DSCAM: variants seen among roughly 807,000 people sequenced by gnomAD.
The protein encoded by DSCAM is DS cell adhesion molecule.
Under a neutral mutation model 217.7 loss-of-function variants are expected in DSCAM, and 47 were observed. The observed-to-expected ratio is 0.22, with a 90% CI of 0.17 to 0.28. DSCAM has a LOEUF of 0.28. Among genes scored for constraint, DSCAM ranks in the 10% least tolerant of loss-of-function variants. The pLI is 1.00. For synonymous variants in DSCAM, 1,056 were observed against 1,015.3 expected (o/e 1.04, Z -0.76); for missense variants, 2,080 against 2,618.3 (o/e 0.79, Z 4.49).
At chr21:40,157,121 T>C (rs546530766) in intron 16 of DSCAM, among the ~76,000 whole-genome samples, 2 of 152,260 alleles carry the variant, frequency 1.3e-5, no homozygotes, top group Admixed American at 1.3e-4. Context: ...GGAAGAATAT[T>C]TTGTCATGTG....
At chr21:40,122,171 G>A (rs2090042632) in intron 20 of DSCAM, among the ~76,000 whole-genome samples, 2 of 152,122 alleles carry the variant, frequency 1.3e-5, no homozygotes, top group Admixed American at 6.6e-5. Context: ...TCTATTGTAT[G>A]TAATTCTTAG....
At chr21:40,291,594 C>T (rs545241007) in intron 10 of DSCAM, among the ~76,000 whole-genome samples, 1 of 152,320 alleles carries the variant, frequency 6.6e-6, no homozygotes, top group African/African-American at 2.4e-5. Context: ...CCGGCCTCGC[C>T]CCCTACCCCC....
At chr21:40,672,287 A>G (rs1018420550) in intron 3 of DSCAM, among the ~76,000 whole-genome samples, 2 of 152,168 alleles carry the variant, frequency 1.3e-5, no homozygotes, top group African/African-American at 4.8e-5. Flanking sequence ...GTTTAGCTTA[A>G]GTAAATTTAG....
At chr21:40,134,078 C>T in intron 18 of DSCAM, 69 bp from the exon 19 acceptor site, 1 of 1,537,722 alleles carries the variant, frequency 6.5e-7, no homozygotes, top group Non-Finnish European at 8.8e-7. Flanking sequence ...TCCGCACTGT[C>T]CCCACTGACT....
intron 3 of DSCAM, among the ~76,000 whole-genome samples, chr21:40,626,645 A>G (rs7279213): frequency 0.22 from 34,017 of 152,074 alleles, 4,065 homozygotes; most frequent in Admixed American, 0.27. Context: ...CCTCTTTGAC[A>G]CCACTTATGT....
chr21:40,089,111 A>AT (rs35703371), intron 21 of DSCAM, among the ~76,000 whole-genome samples: 27,701 of 152,212 alleles, frequency 0.18, 2,822 homozygotes, highest in East Asian at 0.25. Flanking sequence ...AATTTAAAAA[A>AT]TACAAGCTAG....
intron 32 of DSCAM, among the ~76,000 whole-genome samples, chr21:40,023,126 G>A (rs1045000071): frequency 2.7e-5 from 4 of 149,966 alleles, no homozygotes; most frequent in African/African-American, 7.4e-5. Context: ...TGTGGTGTTT[G>A]GTTTTTTGTT....
chr21:40,575,026 G>A (rs2076837878), intron 3 of DSCAM, among the ~76,000 whole-genome samples: 1 of 152,130 alleles, frequency 6.6e-6, no homozygotes. Flanking sequence ...TACACACTCA[G>A]ATGTCCTGAA....
At chr21:40,456,625 A>C (rs1404685829) in intron 3 of DSCAM, among the ~76,000 whole-genome samples, 1 of 152,110 alleles carries the variant, frequency 6.6e-6, no homozygotes, top group South Asian at 2.1e-4. Flanking sequence ...GTCGATTGCT[A>C]TCTGAAAATT....
chr21:40,282,492 G>A (rs1234160555), intron 10 of DSCAM, among the ~76,000 whole-genome samples: 1 of 149,352 alleles, frequency 6.7e-6, no homozygotes, highest in Non-Finnish European at 1.5e-5. Flanking sequence ...TAGGGAGGCT[G>A]AGGCAGGAGA....
chr21:40,272,342 G>A (rs1253625706), intron 11 of DSCAM, among the ~76,000 whole-genome samples: 1 of 151,908 alleles, frequency 6.6e-6, no homozygotes, highest in East Asian at 1.9e-4. Context: ...CTCACAGACA[G>A]GAACCCCAAC....
At chr21:40,823,018 T>C (rs2123602339) in intron 1 of DSCAM, among the ~76,000 whole-genome samples, 1 of 152,014 alleles carries the variant, frequency 6.6e-6, no homozygotes, top group South Asian at 2.1e-4. Flanking sequence ...GGCTTGGTGG[T>C]TCATGCTTGT....
At chr21:40,356,580 T>A (rs185098541) in intron 4 of DSCAM, among the ~76,000 whole-genome samples, 1 of 152,182 alleles carries the variant, frequency 6.6e-6, no homozygotes, top group African/African-American at 2.4e-5. Context: ...GGTGTTTTTA[T>A]GCATTTTTCC....
At chr21:40,582,544 A>T (rs1259468504) in intron 3 of DSCAM, among the ~76,000 whole-genome samples, 1 of 152,198 alleles carries the variant, frequency 6.6e-6, no homozygotes, top group Non-Finnish European at 1.5e-5. Context: ...ACAATTCCCA[A>T]AAAGTGGTTT....
At chr21:40,563,434 C>T (rs1333649426) in intron 3 of DSCAM, among the ~76,000 whole-genome samples, 1 of 147,240 alleles carries the variant, frequency 6.8e-6, no homozygotes, top group Non-Finnish European at 1.5e-5. Flanking sequence ...TCCACCAGAT[C>T]AATGATAATA....
At chr21:40,533,890 A>T (rs1025788542) in intron 3 of DSCAM, among the ~76,000 whole-genome samples, 1 of 152,204 alleles carries the variant, frequency 6.6e-6, no homozygotes, top group African/African-American at 2.4e-5. Flanking sequence ...TAGCTTCTTC[A>T]AGTGGTTTCC....
chr21:40,128,819 G>C (rs889163914), intron 19 of DSCAM, among the ~76,000 whole-genome samples: 3 of 152,050 alleles, frequency 2.0e-5, no homozygotes, highest in Admixed American at 2.0e-4. Context: ...AGGGGACTCA[G>C]CTCAACCAGA....
intron 18 of DSCAM, among the ~76,000 whole-genome samples, chr21:40,137,288 TTAAC>T (rs2090223236): frequency 6.6e-6 from 1 of 150,620 alleles, no homozygotes; most frequent in Non-Finnish European, 1.5e-5. Flanking sequence ...GTTATTTTGA[TTAAC>T]TAATTTATCA....
At chr21:40,502,389 C>A (rs777549786) in intron 3 of DSCAM, among the ~76,000 whole-genome samples, 21 of 152,130 alleles carry the variant, frequency 1.4e-4, no homozygotes, top group African/African-American at 4.3e-4. Context: ...TGTAACAAAT[C>A]GCCACAAACT....
Sources: gnomAD v4.1 joint callset for allele counts (sites outside exome capture counted in the v4.1 genomes callset) on GRCh38, gnomAD v4.1.1 for gene constraint, MANE v1.5 for transcripts, NCBI Gene and HGNC (gene_info 2026-07-23, HGNC 2026-07-21) for gene names.